C5orf34: variants seen among roughly 807,000 people sequenced by gnomAD.
The protein encoded by C5orf34 is chromosome 5 open reading frame 34, also known as uncharacterized protein C5orf34.
C5orf34 carries 73 observed loss-of-function variants against 78.4 expected under a neutral mutation model. The ratio of observed to expected loss-of-function variants is 0.93; its 90% confidence interval spans 0.77 to 1.13. The LOEUF (loss-of-function observed/expected upper bound fraction) is 1.13. Among genes scored for constraint, C5orf34 ranks in the 50% most tolerant of loss-of-function variants. C5orf34 has a pLI of 0.00. For missense variants in C5orf34, 730 were observed against 732.7 expected, an observed-to-expected ratio of 1.00 and a Z score of 0.04; for synonymous variants, 251 against 246.6, an observed-to-expected ratio of 1.02 and a Z score of -0.17.
At chr5:43,488,090 AT>A in intron 11 of C5orf34, 141 bp from the exon 12 acceptor site, 1 of 621,076 alleles carries the variant, frequency 1.6e-6, no homozygotes, top group Non-Finnish European at 2.8e-6. Context: ...TGTTACCTTT[AT>A]TTAGCAACAA....
At chr5:43,511,838 G>C (rs547808172) in intron 1 of C5orf34, among the ~76,000 whole-genome samples, 1 of 152,052 alleles carries the variant, frequency 6.6e-6, no homozygotes, top group Non-Finnish European at 1.5e-5. Context: ...CAGCATGCTC[G>C]TTAAGAGTCA....
rs969515486 is a variant in C5orf34 at position 43,495,241 on chromosome 5, A to G, written c.1153-640T>C. ...AGAAGCTCTCAACAATGGGCTTGCC[A>G]GGAACCATATCAACAATGGCAGCAT... On this transcript the variant is annotated intron_variant, in intron 6 of 12. Coordinates refer to ENST00000306862, the MANE Select transcript of C5orf34 (RefSeq NM_198566.4). 10 of 1,607,840 alleles carry G rather than the reference A, an allele frequency of 6.2e-6. No homozygotes were observed. In the African/African-American group the frequency reaches 1.2e-4, roughly 19 times the overall value.
intron 1 of C5orf34, among the ~76,000 whole-genome samples, chr5:43,513,072 G>A (rs933932519): frequency 4.6e-5 from 7 of 151,246 alleles, no homozygotes; most frequent in African/African-American, 1.5e-4. Flanking sequence ...GTGAGCCACC[G>A]CACCTGGCCC....
chr5:43,509,264 G>A lies in C5orf34; in HGVS notation c.76C>T (p.Gln26Ter). ...AATTCAGAGCCACAGGGAGAAAGTT[G>A]CAATGTGGAACCATCAACATATTGT... ...QVQYVDGSTL[Q>*]LSPCGSEFLF... The change falls in exon 2 of 13, where the codon CAA (glutamine) becomes TAA (stop). Residue 26 changes from glutamine to a stop codon, truncating the protein, a stop_gained. Transcript: ENST00000306862. LOFTEE classifies it high-confidence loss of function. 1 of 1,613,930 alleles carries A rather than the reference G, an allele frequency of 6.2e-7. No homozygotes were observed.
At chr5:43,487,886 A>G (rs1341300698) in intron 12 of C5orf34, 23 bp downstream of exon 12, 3 of 1,561,486 alleles carry the variant, frequency 1.9e-6, no homozygotes, top group African/African-American at 2.7e-5. Flanking sequence ...TATGTAGGAC[A>G]GTGCATTCTG....
chr5:43,490,649 G>T lies in C5orf34; in HGVS notation c.1661C>A (p.Ser554Tyr). 2.5e-6 allele frequency: 4 copies of T among 1,606,386 alleles called. No individual in the cohort carries two copies. Among genetic ancestry groups the T allele is most frequent in the Non-Finnish European group, 2.6e-6 (3 of 1,173,306 alleles). Residue 554 changes from serine to tyrosine, a missense_variant, in exon 11 of 13, where the codon TCT becomes TAT. By Grantham distance (144) the Ser-to-Tyr change is moderately radical. Transcript: ENST00000306862. The stretch of plus-strand genomic sequence containing the variant: ...AAAATACCAATTTTCTTGGAGAACA[G>T]AAGATGACGAATGAGTGGGCATCTC... ...PREMPTHSSS[S>Y]VLQENWSVAS...
intron 6 of C5orf34, chr5:43,495,367 G>A (rs115329886): frequency 0.026 from 42,168 of 1,611,746 alleles, 696 homozygotes; most frequent in Admixed American, 0.03. Context: ...TGTGAGCCGC[G>A]TGGCAATCCA....
intron 3 of C5orf34, 60 bp downstream of exon 3, chr5:43,508,517 A>T: frequency 1.0e-6 from 1 of 969,672 alleles, no homozygotes; most frequent in Non-Finnish European, 1.6e-6. Context: ...ATATTAAATT[A>T]CCTGTTTCTA....
rs1017902562 is a variant in C5orf34, at chr5:43,493,692, A to G, written c.1245-80T>C. On this transcript the variant is annotated intron_variant, in intron 7 of 12. Transcript: ENST00000306862. Reference sequence around the variant, plus strand: ...AGCAACCCATTTTCACTGCCATACAACATTTTAGATGATCAGTAAATCATT... The same window carrying G: ...AGCAACCCATTTTCACTGCCATACAGCATTTTAGATGATCAGTAAATCATT... 1.5e-5 allele frequency: 11 copies of G among 738,614 alleles called. No individual in the cohort carries two copies. In the African/African-American group the frequency reaches 2.0e-4, roughly 13 times the overall value. 45.8% of individuals were successfully genotyped at this position (738,614 alleles called of 1,614,324 possible).
intron 6 of C5orf34, among the ~76,000 whole-genome samples, chr5:43,500,738 G>A (rs1029622302): frequency 5.9e-5 from 9 of 152,200 alleles, no homozygotes; most frequent in African/African-American, 2.2e-4. Flanking sequence ...TTTCAAGCTT[G>A]TCAAACTTTT....
intron 6 of C5orf34, chr5:43,496,297 G>C: frequency 1.6e-5 from 26 of 1,584,908 alleles, no homozygotes; most frequent in Non-Finnish European, 2.1e-5. Flanking sequence ...ATACTTGAAG[G>C]AGTCCTTTCC....
intron 6 of C5orf34, chr5:43,495,705 C>T (rs1745487160): frequency 2.5e-6 from 4 of 1,578,210 alleles, no homozygotes; most frequent in Non-Finnish European, 2.6e-6. Flanking sequence ...TTGTAGACAT[C>T]CTGGAGAGGC....
chr5:43,502,091 C>T (rs907116988), intron 6 of C5orf34, among the ~76,000 whole-genome samples: 1 of 152,098 alleles, frequency 6.6e-6, no homozygotes, highest in African/African-American at 2.4e-5. Context: ...ACTCAAAGTC[C>T]TGGTTTCAGC....
At chr5:43,490,432 TATG>T (rs1182795513) in intron 11 of C5orf34, 196 bp downstream of exon 11, 5 of 396,012 alleles carry the variant, frequency 1.3e-5, no homozygotes, top group African/African-American at 1.0e-4. Context: ...TAAAATAGAA[TATG>T]ATGAAATGTA....
In C5orf34 at chr5:43,487,004, C is replaced by A. The variant is rs989536949; in HGVS notation, c.1828G>T (p.Val610Phe). 6 of 1,587,408 alleles carry A rather than the reference C, an allele frequency of 3.8e-6. No homozygotes were observed. The highest frequency in any genetic ancestry group is 5.1e-6 in the Non-Finnish European group (6 of 1,165,994). The change falls in exon 13 of 13, where the codon GTT becomes TTT. Residue 610 changes from valine (V) to phenylalanine (F), a missense_variant. Transcript: ENST00000306862. ...GCTATTGATACTCTATTTTCATTAA[C>A]TTCTCCTAGCAAGGTTTCTGAAGAT... ...PGSSETLLGE[V>F]NENRVSIALK...
chr5:43,512,908 G>A (rs2112345273), intron 1 of C5orf34, among the ~76,000 whole-genome samples: 1 of 151,436 alleles, frequency 6.6e-6, no homozygotes, highest in Non-Finnish European at 1.5e-5. Flanking sequence ...TCAGCCTCCT[G>A]AGTAGCTGGG....
intron 6 of C5orf34, chr5:43,496,480 A>C: frequency 6.5e-7 from 1 of 1,539,996 alleles, no homozygotes; most frequent in Non-Finnish European, 8.7e-7. Flanking sequence ...TAGTTTTCAC[A>C]ACACCTGTGT....
intron 6 of C5orf34, among the ~76,000 whole-genome samples, chr5:43,496,668 C>A (rs370781397): frequency 6.8e-6 from 1 of 146,786 alleles, no homozygotes; most frequent in Admixed American, 6.9e-5. Flanking sequence ...CAGCTCACTG[C>A]AGCCTCTGTG....
intron 6 of C5orf34, 67 bp downstream of exon 6, chr5:43,502,305 A>AT: frequency 6.5e-7 from 1 of 1,531,072 alleles, no homozygotes; most frequent in Non-Finnish European, 8.9e-7. Context: ...TCCCATATAT[A>AT]TTTGGAATTA....
Sources: allele counts gnomAD v4.1 joint callset (sites outside exome capture counted in the v4.1 genomes callset), GRCh38; gene constraint gnomAD v4.1.1; transcripts MANE v1.5; gene names NCBI Gene and HGNC (gene_info 2026-07-23, HGNC 2026-07-21).